ANKS1B: variants seen among roughly 807,000 people sequenced by gnomAD.
The protein encoded by ANKS1B is ankyrin repeat and sterile alpha motif domain containing 1B, also known as ankyrin repeat and sterile alpha motif domain-containing protein 1B.
ANKS1B carries 36 observed loss-of-function variants against 148.3 expected under a neutral mutation model. The ratio of observed to expected loss-of-function variants is 0.24; its 90% CI spans 0.19 to 0.32. ANKS1B has a LOEUF of 0.32. ANKS1B is among the 10% of genes least tolerant of loss of function. The pLI is 1.00. For synonymous variants in ANKS1B, 542 were observed against 560.8 expected, an observed-to-expected ratio of 0.97 and a Z score of 0.47; for missense variants, 1,157 against 1,542.6, an observed-to-expected ratio of 0.75 and a Z score of 4.19.
intron 12 of ANKS1B, among the ~76,000 whole-genome samples, chr12:99,358,647 G>C (rs116161466): frequency 0.017 from 2,606 of 151,784 alleles, 80 homozygotes; most frequent in African/African-American, 0.06. Flanking sequence ...GCCGGGAAAA[G>C]TTCCTGCCTG....
intron 9 of ANKS1B, among the ~76,000 whole-genome samples, chr12:99,594,332 T>C (rs1257415091): frequency 1.3e-5 from 2 of 152,066 alleles, no homozygotes; most frequent in African/African-American, 4.8e-5. Flanking sequence ...AGAACCACCA[T>C]ATAATTTAGC....
intron 1 of ANKS1B, among the ~76,000 whole-genome samples, chr12:99,858,828 A>C (rs2089605356): frequency 6.6e-6 from 1 of 152,138 alleles, no homozygotes; most frequent in Non-Finnish European, 1.5e-5. Flanking sequence ...CTAAGCTATG[A>C]GGAAACAAAG....
intron 14 of ANKS1B, among the ~76,000 whole-genome samples, chr12:99,185,842 C>T (rs2079767872): frequency 6.6e-6 from 1 of 152,220 alleles, no homozygotes; most frequent in Non-Finnish European, 1.5e-5. Context: ...GAGTTAGCTG[C>T]AGGAGTTTTC....
rs2068311222 is a variant in ANKS1B at position 99,136,968 on chromosome 12, G to A, written c.2526+17321C>T. On this transcript the variant is annotated intron_variant, in intron 15 of 26. Coordinates refer to ENST00000683438, the MANE Select transcript of ANKS1B (RefSeq NM_001352186.2). ...AGAAGGTGAGGTTATCAATCAAACG[G>A]CTAACCAGTCACAGGCATCTACTCA... Among the ~76,000 whole-genome samples, 3 of 152,088 alleles carry A rather than the reference G, an allele frequency of 2.0e-5. No homozygotes were observed. In the South Asian group the frequency reaches 6.2e-4, roughly 32 times the overall value.
chr12:98,807,837 AC>A lies in ANKS1B; in HGVS notation c.3141+6del. On this transcript the variant is annotated splice_donor_region_variant and intron_variant, in intron 20 of 26. Coordinates refer to ENST00000683438, the MANE Select transcript of ANKS1B (RefSeq NM_001352186.2). ...CAGGAGAAGAAAAGAACCATTTGTA[AC>A]CTTACATTATGAACCTGATGGATCG... 6.2e-7 allele frequency: 1 copy of A among 1,612,378 alleles called. No homozygotes were observed. The highest frequency in any genetic ancestry group is 8.5e-7 in the Non-Finnish European group (1 of 1,179,026).
chr12:99,142,569 C>T (rs1436617640), intron 15 of ANKS1B, among the ~76,000 whole-genome samples: 2 of 152,018 alleles, frequency 1.3e-5, no homozygotes, highest in Non-Finnish European at 2.9e-5. Context: ...CAGCATTATG[C>T]AAGAACTAAA....
chr12:99,909,724 T>C (rs1203378900), intron 1 of ANKS1B, among the ~76,000 whole-genome samples: 2 of 152,218 alleles, frequency 1.3e-5, no homozygotes, highest in Non-Finnish European at 2.9e-5. Context: ...TTGGGGTCTT[T>C]TATGTTTCCA....
At chr12:98,935,118 A>G (rs1464078372) in intron 17 of ANKS1B, among the ~76,000 whole-genome samples, 1 of 152,162 alleles carries the variant, frequency 6.6e-6, no homozygotes, top group Non-Finnish European at 1.5e-5. Flanking sequence ...GGCTAACCAC[A>G]TATCACCTTA....
intron 9 of ANKS1B, among the ~76,000 whole-genome samples, chr12:99,512,466 G>A (rs2096776487): frequency 6.6e-6 from 1 of 152,076 alleles, no homozygotes. Flanking sequence ...GTGTAAATTA[G>A]TTCAACCATT....
At chr12:99,324,876 T>C (rs1438060053) in intron 12 of ANKS1B, among the ~76,000 whole-genome samples, 3 of 152,226 alleles carry the variant, frequency 2.0e-5, no homozygotes, top group East Asian at 1.9e-4. Flanking sequence ...ACACCAAACA[T>C]TGAAATATCC....
At chr12:99,062,159 A>T (rs2042661756) in intron 16 of ANKS1B, among the ~76,000 whole-genome samples, 1 of 152,192 alleles carries the variant, frequency 6.6e-6, no homozygotes, top group Non-Finnish European at 1.5e-5. Flanking sequence ...AACTCCACTT[A>T]TTAGCTATCT....
chr12:99,901,195 T>C (rs551442408), intron 1 of ANKS1B, among the ~76,000 whole-genome samples: 34 of 152,290 alleles, frequency 2.2e-4, no homozygotes, highest in African/African-American at 7.5e-4. Flanking sequence ...CTATATAAAC[T>C]AGACACAGTT....
intron 1 of ANKS1B, among the ~76,000 whole-genome samples, chr12:99,852,156 A>G (rs1464974340): frequency 1.3e-5 from 2 of 152,226 alleles, no homozygotes; most frequent in Non-Finnish European, 2.9e-5. Context: ...GAGTGCTATA[A>G]AAGAAGTCTT....
chr12:98,945,134 T>C (rs1347619127), intron 17 of ANKS1B, among the ~76,000 whole-genome samples: 1 of 152,118 alleles, frequency 6.6e-6, no homozygotes, highest in Non-Finnish European at 1.5e-5. Context: ...GAATGAGAAA[T>C]ATCAGATTCC....
At chr12:99,371,536 G>A (rs1007837137) in intron 12 of ANKS1B, among the ~76,000 whole-genome samples, 4 of 151,600 alleles carry the variant, frequency 2.6e-5, no homozygotes, top group Non-Finnish European at 5.9e-5. Context: ...AACTTGTCTA[G>A]GTCACAGTAC....
Position 99,105,448 on chromosome 12 carries a change from A to G in ANKS1B, c.2527-20425T>C, listed in dbSNP as rs547145671. 5.3e-5 allele frequency among the ~76,000 whole-genome samples: 8 copies of G among 152,344 alleles called. No homozygotes were observed. In the South Asian group the frequency reaches 1.5e-3, roughly 28 times the overall value. Reference sequence around the variant, plus strand: ...AGAAAGTCTTAGGAGTTGTAGCTTTAGTGTTCTGCAGACAACCCAATGTCA... The same window carrying G: ...AGAAAGTCTTAGGAGTTGTAGCTTTGGTGTTCTGCAGACAACCCAATGTCA... On this transcript the variant is annotated intron_variant, in intron 15 of 26. Coordinates refer to ENST00000683438, the MANE Select transcript of ANKS1B (RefSeq NM_001352186.2).
At chr12:99,768,757 CGGAG>C (rs1156613448) in intron 8 of ANKS1B, among the ~76,000 whole-genome samples, 2 of 137,504 alleles carry the variant, frequency 1.5e-5, no homozygotes, top group Non-Finnish European at 3.1e-5. Flanking sequence ...ACCCCGGAGG[CGGAG>C]GTTGCAGTGA....
chr12:99,378,981 C>T (rs1446512459), intron 12 of ANKS1B, among the ~76,000 whole-genome samples: 1 of 152,120 alleles, frequency 6.6e-6, no homozygotes, highest in Non-Finnish European at 1.5e-5. Flanking sequence ...GTAATGGAAG[C>T]ATCTATTGTG....
At chr12:99,221,381 A>G (rs935784833) in intron 14 of ANKS1B, among the ~76,000 whole-genome samples, 115 of 152,276 alleles carry the variant, frequency 7.6e-4, no homozygotes, top group African/African-American at 2.6e-3. Context: ...GGTAAAAATC[A>G]GTGTAAGTTA....
Sources: gnomAD v4.1 joint callset for allele counts (sites outside exome capture counted in the v4.1 genomes callset) on GRCh38, gnomAD v4.1.1 for gene constraint, MANE v1.5 for transcripts, NCBI Gene and HGNC (gene_info 2026-07-23, HGNC 2026-07-21) for gene names.